Variants in SREK1IP1 observed in about 807,000 individuals in gnomAD.
The protein encoded by SREK1IP1 is SREK1 interacting protein 1, also known as protein SREK1IP1.
In SREK1IP1, 12 loss-of-function variants were observed where a neutral mutation model predicts 22.8. The ratio of observed to expected loss-of-function variants is 0.53; its 90% CI spans 0.34 to 0.85. The LOEUF is 0.85. SREK1IP1 is among the 40% of genes least tolerant of loss of function. The pLI is 0.02. For missense variants in SREK1IP1, 147 were observed against 171.8 expected (o/e 0.86, Z 0.81); for synonymous variants, 53 against 52.7 (o/e 1.01, Z -0.02).
chr5:64,761,736 T>C (rs539497011), intron 1 of SREK1IP1, among the ~76,000 whole-genome samples: 2 of 152,378 alleles, frequency 1.3e-5, no homozygotes, highest in East Asian at 3.9e-4. Flanking sequence ...GCAACTTCTC[T>C]AGACCCCAGT....
In SREK1IP1 at chr5:64,724,445, T is replaced by C. The variant is rs779242231; in HGVS notation, c.407A>G (p.Lys136Arg). 6.3e-7 allele frequency: 1 copy of C among 1,587,684 alleles called. No individual in the cohort carries two copies. Among genetic ancestry groups the C allele is most frequent in the Non-Finnish European group, 8.5e-7 (1 of 1,172,892 alleles). Residue 136 changes from lysine to arginine, a missense_variant, in exon 5 of 5, where the codon AAG becomes AGG. Lys to Arg is a conservative substitution (Grantham distance 26). Around this residue, in one of 3 missense-constraint regions of SREK1IP1, gnomAD observed 82 missense variants for 81.7 expected, o/e 1.00. Transcript: ENST00000513458. ...KKGKHHKKEK[K>R]KRKKEKHSST... ...AGAATGCTTTTCCTTTTTTCTCTTC[T>C]TTTTTTCCTTTTTGTGATGTTTCCC...
At chr5:64,750,656 T>A (rs1742725819) in intron 2 of SREK1IP1, among the ~76,000 whole-genome samples, 1 of 152,128 alleles carries the variant, frequency 6.6e-6, no homozygotes, top group African/African-American at 2.4e-5. Flanking sequence ...CTACTCAAAC[T>A]CCCTACCTAA....
At chr5:64,739,981 TTGTC>T (rs1742526814) in intron 3 of SREK1IP1, among the ~76,000 whole-genome samples, 1 of 152,162 alleles carries the variant, frequency 6.6e-6, no homozygotes, top group African/African-American at 2.4e-5. Context: ...CTCTCATTCC[TTGTC>T]TAAGATTATA....
intron 1 of SREK1IP1, among the ~76,000 whole-genome samples, chr5:64,760,306 C>G (rs1742925212): frequency 6.6e-6 from 1 of 152,220 alleles, no homozygotes; most frequent in Admixed American, 6.5e-5. Context: ...AGCTCCCTTT[C>G]TAGCCTCATG....
intron 3 of SREK1IP1, among the ~76,000 whole-genome samples, chr5:64,739,499 A>G (rs1742518470): frequency 6.6e-6 from 1 of 152,076 alleles, no homozygotes; most frequent in Admixed American, 6.6e-5. Flanking sequence ...ACTAATTATC[A>G]TGTCTTTAGG....
chr5:64,754,069 A>G (rs16893114), intron 2 of SREK1IP1, among the ~76,000 whole-genome samples: 9,595 of 152,312 alleles, frequency 0.063, 979 homozygotes, highest in African/African-American at 0.22. Flanking sequence ...TCTACTACTA[A>G]CCACCTGTAT....
intron 1 of SREK1IP1, among the ~76,000 whole-genome samples, chr5:64,760,160 C>G (rs140543686): frequency 6.6e-6 from 1 of 152,020 alleles, no homozygotes; most frequent in African/African-American, 2.4e-5. Flanking sequence ...ATGTCATGAT[C>G]GCTAAGATAT....
At chr5:64,756,227 A>G (rs1742838537) in intron 1 of SREK1IP1, among the ~76,000 whole-genome samples, 1 of 152,226 alleles carries the variant, frequency 6.6e-6, no homozygotes, top group African/African-American at 2.4e-5. Flanking sequence ...TATTAAGTAC[A>G]TTCACAATAT....
intron 4 of SREK1IP1, among the ~76,000 whole-genome samples, chr5:64,726,044 T>G (rs1404595649): frequency 6.6e-6 from 1 of 151,704 alleles, no homozygotes; most frequent in African/African-American, 2.4e-5. Flanking sequence ...ATTTTTTTTG[T>G]ATTTTTAGTA....
intron 3 of SREK1IP1, among the ~76,000 whole-genome samples, chr5:64,732,827 G>A (rs999955004): frequency 7.9e-5 from 12 of 151,876 alleles, no homozygotes; most frequent in Non-Finnish European, 1.3e-4. Flanking sequence ...AGACTATGTG[G>A]TATTAGTGGA....
At chr5:64,749,194 T>C (rs945905249) in intron 2 of SREK1IP1, among the ~76,000 whole-genome samples, 4 of 151,696 alleles carry the variant, frequency 2.6e-5, no homozygotes, top group Non-Finnish European at 1.5e-5. Context: ...TCTTGTTTTA[T>C]AAATAGGGTA....
At chr5:64,744,504 C>T (rs1171590274) in intron 2 of SREK1IP1, among the ~76,000 whole-genome samples, 1 of 152,070 alleles carries the variant, frequency 6.6e-6, no homozygotes, top group African/African-American at 2.4e-5. Flanking sequence ...GATTCGCCAC[C>T]GGTAACTAGG....
intron 4 of SREK1IP1, among the ~76,000 whole-genome samples, chr5:64,727,376 T>C (rs1055251955): frequency 8.7e-5 from 13 of 150,236 alleles, no homozygotes; most frequent in Admixed American, 5.3e-4. Flanking sequence ...ATAGTAAAAA[T>C]GCACAGGTGG....
chr5:64,724,273 T>A lies in SREK1IP1; in HGVS notation c.*111A>T. ...GTCCCAAATACGAAAAATGTCTATA[T>A]GGAAAAGGCTGTGATTTATTGCAAA... On this transcript the variant is annotated 3_prime_UTR_variant, in exon 5 of 5. Coordinates refer to ENST00000513458, the MANE Select transcript of SREK1IP1 (RefSeq NM_173829.4). 2.1e-6 allele frequency: 2 copies of A among 943,684 alleles called. No homozygotes were observed. The highest frequency in any genetic ancestry group is 3.1e-6 in the Non-Finnish European group (2 of 645,116). 58.5% of individuals were successfully genotyped at this position (943,684 alleles called of 1,614,324 possible).
rs1414017308 is a variant in SREK1IP1 at position 64,721,322 on chromosome 5, T to C, written c.*3062A>G. 4 of 152,212 alleles carry C rather than the reference T, an allele frequency of 2.6e-5. No homozygotes were observed. The highest frequency in any genetic ancestry group is 9.6e-5 in the African/African-American group (4 of 41,452). 9.4% of individuals were successfully genotyped at this position (152,212 alleles called of 1,614,324 possible). On this transcript the variant is annotated 3_prime_UTR_variant, in exon 5 of 5. Coordinates refer to ENST00000513458, the MANE Select transcript of SREK1IP1 (RefSeq NM_173829.4). ...AGCGTTTGCCACGTTAGGTACTCAA[T>C]AAATATTTGTTGAAGAAAGGATTCA...
intron 1 of SREK1IP1, among the ~76,000 whole-genome samples, chr5:64,762,212 G>C (rs1336998899): frequency 6.6e-6 from 1 of 152,070 alleles, no homozygotes; most frequent in Non-Finnish European, 1.5e-5. Context: ...ATATTTCCTA[G>C]AATCGCTTAA....
intron 2 of SREK1IP1, among the ~76,000 whole-genome samples, chr5:64,748,644 A>G (rs1225270946): frequency 6.6e-6 from 1 of 152,166 alleles, no homozygotes; most frequent in Non-Finnish European, 1.5e-5. Context: ...AACAAAAATA[A>G]CAAGTATTGA....
rs1561380265 is a variant in SREK1IP1, at chr5:64,719,793, C to T, written c.*4591G>A. Reference sequence around the variant, plus strand: ...AGAGGCACCCCAATTCTCTGCCACTCTACCTATTTTTAGAGGAGTTGGGAG... The same window carrying T: ...AGAGGCACCCCAATTCTCTGCCACTTTACCTATTTTTAGAGGAGTTGGGAG... On this transcript the variant is annotated 3_prime_UTR_variant, in exon 5 of 5. Transcript: ENST00000513458. The T allele has an allele frequency of 6.6e-6, 1 of 152,238 alleles. No homozygotes were observed. The highest frequency in any genetic ancestry group is 2.4e-5 in the African/African-American group (1 of 41,444). 9.4% of individuals were successfully genotyped at this position (152,238 alleles called of 1,614,324 possible).
At chr5:64,746,515 T>C (rs1742639256) in intron 2 of SREK1IP1, among the ~76,000 whole-genome samples, 1 of 152,080 alleles carries the variant, frequency 6.6e-6, no homozygotes. Flanking sequence ...AGTTAAAAAA[T>C]GAGCAAAGGC....
Sources: gnomAD v4.1 joint callset for allele counts (sites outside exome capture counted in the v4.1 genomes callset) on GRCh38, gnomAD v4.1.1 for gene constraint, gnomAD v4.1.1 regional missense constraint, MANE v1.5 for transcripts, NCBI Gene and HGNC (gene_info 2026-07-23, HGNC 2026-07-21) for gene names.